CACNA2D1: variants seen among roughly 807,000 people sequenced by gnomAD.
CACNA2D1 encodes the protein calcium voltage-gated channel auxiliary subunit alpha2delta 1.
A neutral mutation model predicts 171.5 loss-of-function variants in CACNA2D1; 53 were observed. The observed-to-expected ratio is 0.31, with a 90% CI of 0.25 to 0.39. The LOEUF (loss-of-function observed/expected upper bound fraction) is 0.39. Among genes scored for constraint, CACNA2D1 ranks in the 10% least tolerant of loss-of-function variants. CACNA2D1 has a pLI of 1.00. For missense variants in CACNA2D1, 903 were observed against 1,299.8 expected, an observed-to-expected ratio of 0.69 and a Z score of 4.69; for synonymous variants, 442 against 443.1, an observed-to-expected ratio of 1.00 and a Z score of 0.03.
chr7:82,228,152 C>T (rs934392846), intron 3 of CACNA2D1, among the ~76,000 whole-genome samples: 1 of 151,944 alleles, frequency 6.6e-6, no homozygotes, highest in African/African-American at 2.4e-5. Context: ...TGGACCTGTG[C>T]TAATCTTATG....
chr7:82,155,826 T>A (rs1794324505), intron 4 of CACNA2D1, among the ~76,000 whole-genome samples: 1 of 152,196 alleles, frequency 6.6e-6, no homozygotes, highest in Admixed American at 6.6e-5. Flanking sequence ...TCTTAATTAC[T>A]GTGTATTTTG....
chr7:81,975,850 T>C (rs2130529805), intron 24 of CACNA2D1, among the ~76,000 whole-genome samples: 1 of 152,260 alleles, frequency 6.6e-6, no homozygotes, highest in Non-Finnish European at 1.5e-5. Context: ...GAAAGCTCAG[T>C]TTCTGTCATT....
Position 81,948,254 on chromosome 7 carries a change from TTAAC to T in CACNA2D1, c.*2134_*2137del, listed in dbSNP as rs1792197271. 6.6e-6 allele frequency: 1 copy of T among 151,918 alleles called. No individual in the cohort carries two copies. Among genetic ancestry groups the T allele is most frequent in the Admixed American group, 6.6e-5 (1 of 15,232 alleles). 9.4% of individuals were successfully genotyped at this position (151,918 alleles called of 1,614,324 possible). On this transcript the variant is annotated 3_prime_UTR_variant, in exon 39 of 39. Coordinates refer to ENST00000356860, the MANE Select transcript of CACNA2D1 (RefSeq NM_000722.4). ...AAATTGAACAATAACTTTTAAATAT[TTAAC>T]AAACAACATGATTAAAACATTGTTA...
At chr7:82,039,849 G>A (rs1042225997) in intron 10 of CACNA2D1, among the ~76,000 whole-genome samples, 21 of 152,134 alleles carry the variant, frequency 1.4e-4, no homozygotes, top group Admixed American at 1.2e-3. Flanking sequence ...AGTTTAGCTC[G>A]GTCTCATAGG....
chr7:81,980,919 A>G (rs1298527606), intron 24 of CACNA2D1, among the ~76,000 whole-genome samples: 1 of 152,226 alleles, frequency 6.6e-6, no homozygotes, highest in African/African-American at 2.4e-5. Flanking sequence ...AACTTTCCAA[A>G]GGAAACAATT....
intron 7 of CACNA2D1, among the ~76,000 whole-genome samples, chr7:82,072,590 G>T (rs934362199): frequency 6.6e-6 from 1 of 151,042 alleles, no homozygotes; most frequent in African/African-American, 2.4e-5. Context: ...GAACCATCAA[G>T]GAGATTCACA....
intron 3 of CACNA2D1, among the ~76,000 whole-genome samples, chr7:82,273,944 G>A (rs1808974326): frequency 6.6e-6 from 1 of 152,166 alleles, no homozygotes; most frequent in East Asian, 1.9e-4. Flanking sequence ...CAATGAGAAT[G>A]TAATTTTTCT....
rs532373860 is a variant in CACNA2D1 at position 82,310,092 on chromosome 7, A to G, written c.294+25043T>C. Among the ~76,000 whole-genome samples, 59 of 152,192 alleles carry G rather than the reference A, an allele frequency of 3.9e-4. 1 individual carries two copies. The East Asian group carries it at 7.9e-3, about 20-fold the overall frequency. ...GTATAGAAAAGCTAAATATATTTAG[A>G]TCTGTCAATTAAAAACTAGGAAAAC... On this transcript the variant is annotated intron_variant, in intron 3 of 38. Coordinates refer to ENST00000356860, the MANE Select transcript of CACNA2D1 (RefSeq NM_000722.4).
intron 5 of CACNA2D1, among the ~76,000 whole-genome samples, chr7:82,124,849 C>G (rs1490865971): frequency 1.3e-5 from 2 of 151,934 alleles, no homozygotes; most frequent in African/African-American, 4.8e-5. Flanking sequence ...ATGTTTGATA[C>G]CTAAAAGTGT....
intron 5 of CACNA2D1, among the ~76,000 whole-genome samples, chr7:82,126,321 G>T (rs989102791): frequency 6.6e-6 from 1 of 152,052 alleles, no homozygotes; most frequent in Admixed American, 6.6e-5. Flanking sequence ...AACAAAAATA[G>T]AGTTTCATGT....
chr7:82,084,654 A>G (rs1022670560), intron 7 of CACNA2D1, 115 bp downstream of exon 7: 2 of 1,186,532 alleles, frequency 1.7e-6, no homozygotes, highest in Non-Finnish European at 1.3e-6. Flanking sequence ...TTCTTTCCTT[A>G]TAAAAGTAGT....
intron 6 of CACNA2D1, among the ~76,000 whole-genome samples, chr7:82,111,428 G>GTATATA (rs1201539599): frequency 0.01 from 514 of 50,392 alleles, 47 homozygotes; most frequent in South Asian, 0.017. Flanking sequence ...ATATATGTGT[G>GTATATA]TATATATATA....
chr7:82,210,342 G>A (rs1016945639), intron 3 of CACNA2D1, among the ~76,000 whole-genome samples: 3 of 152,046 alleles, frequency 2.0e-5, no homozygotes, highest in African/African-American at 7.2e-5. Context: ...TGTCACTTTC[G>A]AAGGAATAAA....
chr7:82,132,207 C>A (rs1791072205), intron 5 of CACNA2D1, among the ~76,000 whole-genome samples: 1 of 151,996 alleles, frequency 6.6e-6, no homozygotes, highest in African/African-American at 2.4e-5. Flanking sequence ...AAATTATCTC[C>A]CCCAAAGGGT....
chr7:82,055,288 C>A (rs1805684339), intron 10 of CACNA2D1, among the ~76,000 whole-genome samples: 1 of 152,104 alleles, frequency 6.6e-6, no homozygotes, highest in Non-Finnish European at 1.5e-5. Context: ...AGGGCAGTAG[C>A]TTCTGCGTTC....
intron 3 of CACNA2D1, among the ~76,000 whole-genome samples, chr7:82,264,682 A>C (rs1239682068): frequency 6.6e-6 from 1 of 152,248 alleles, no homozygotes; most frequent in Non-Finnish European, 1.5e-5. Context: ...CAGTTGAATC[A>C]AATTGTGCCT....
intron 3 of CACNA2D1, among the ~76,000 whole-genome samples, chr7:82,301,189 T>A (rs925009476): frequency 1.3e-5 from 2 of 152,134 alleles, no homozygotes; most frequent in African/African-American, 4.8e-5. Flanking sequence ...TGCAAAGGAA[T>A]GACCTCAGCT....
chr7:82,130,226 G>A (rs902951361), intron 5 of CACNA2D1, among the ~76,000 whole-genome samples: 2 of 145,220 alleles, frequency 1.4e-5, no homozygotes, highest in African/African-American at 5.1e-5. Context: ...GCTGCTCTCT[G>A]GGAACTTATA....
At chr7:81,997,101 G>T (rs538454425) in intron 19 of CACNA2D1, 78 bp downstream of exon 19, 4 of 832,484 alleles carry the variant, frequency 4.8e-6, no homozygotes, top group Admixed American at 3.4e-5. Context: ...CATTGTAGCC[G>T]TTCAACAGAT....
Sources: gnomAD v4.1 joint callset for allele counts (sites outside exome capture counted in the v4.1 genomes callset) on GRCh38, gnomAD v4.1.1 for gene constraint, MANE v1.5 for transcripts, NCBI Gene and HGNC (gene_info 2026-07-23, HGNC 2026-07-21) for gene names.